The following EPHB1 variants were observed in gnomAD, a reference collection of about 807,000 sequenced individuals.
The protein encoded by EPHB1 is ephrin type-B receptor 1.
A neutral mutation model predicts 94.4 loss-of-function variants in EPHB1; 30 were observed. The ratio of observed to expected loss-of-function variants is 0.32; its 90% CI spans 0.24 to 0.43. The LOEUF (loss-of-function observed/expected upper bound fraction) is 0.43, where lower values mean the gene tolerates loss of function less well. EPHB1 is among the 20% of genes least tolerant of loss of function. The probability of loss-of-function intolerance (pLI) is 1.00; values close to 1 mark genes in which losing one functional copy is unlikely to be tolerated. For missense variants in EPHB1, 1,055 were observed against 1,308.3 expected (o/e 0.81, Z 2.99); for synonymous variants, 522 against 489.1 (o/e 1.07, Z -0.89).
chr3:135,220,483 G>A (rs1875374), intron 12 of EPHB1, among the ~76,000 whole-genome samples: 89,650 of 151,754 alleles, frequency 0.59, 28,221 homozygotes, highest in Middle Eastern at 0.73. Context: ...CCATCTGGGC[G>A]TTTGATAAAA....
At chr3:135,056,371 C>T (rs1354897900) in intron 3 of EPHB1, among the ~76,000 whole-genome samples, 1 of 152,230 alleles carries the variant, frequency 6.6e-6, no homozygotes, top group African/African-American at 2.4e-5. Context: ...TTCCCCTGTT[C>T]GGGCAGAGCA....
intron 4 of EPHB1, among the ~76,000 whole-genome samples, chr3:135,124,739 G>A (rs1016043520): frequency 6.6e-6 from 1 of 151,642 alleles, no homozygotes; most frequent in African/African-American, 2.4e-5. Context: ...GATTTCAAAG[G>A]TGGTATAAAA....
intron 3 of EPHB1, among the ~76,000 whole-genome samples, chr3:134,973,194 G>C (rs1934045914): frequency 6.6e-6 from 1 of 152,178 alleles, no homozygotes; most frequent in South Asian, 2.1e-4. Flanking sequence ...CCCTTTCCAA[G>C]GGCAGACACA....
intron 3 of EPHB1, among the ~76,000 whole-genome samples, chr3:135,080,250 A>T (rs947056036): frequency 4.6e-5 from 7 of 152,168 alleles, no homozygotes; most frequent in African/African-American, 1.7e-4. Flanking sequence ...GGGCAAAATC[A>T]TGGGCTCAGA....
chr3:134,831,349 C>G (rs1034959873), intron 1 of EPHB1, among the ~76,000 whole-genome samples: 1 of 152,206 alleles, frequency 6.6e-6, no homozygotes, highest in African/African-American at 2.4e-5. Flanking sequence ...GATTCTAGAA[C>G]AGCTGCCCAA....
At chr3:135,091,387 G>T (rs1269046937) in intron 3 of EPHB1, among the ~76,000 whole-genome samples, 1 of 152,206 alleles carries the variant, frequency 6.6e-6, no homozygotes, top group Non-Finnish European at 1.5e-5. Flanking sequence ...ATAGGTCTGT[G>T]ATGTGGCAAT....
At chr3:134,846,467 G>T (rs1357587904) in intron 1 of EPHB1, among the ~76,000 whole-genome samples, 3 of 152,172 alleles carry the variant, frequency 2.0e-5, no homozygotes, top group East Asian at 1.9e-4. Flanking sequence ...AGAGCATCGC[G>T]TGGGTGCTCC....
intron 3 of EPHB1, among the ~76,000 whole-genome samples, chr3:135,043,159 G>A (rs1936903110): frequency 2.0e-5 from 3 of 151,988 alleles, no homozygotes; most frequent in Admixed American, 2.0e-4. Context: ...TATTTAAACA[G>A]CTCCCTATAT....
chr3:134,799,375 T>C (rs112009365), intron 1 of EPHB1, among the ~76,000 whole-genome samples: 1 of 152,118 alleles, frequency 6.6e-6, no homozygotes, highest in Non-Finnish European at 1.5e-5. Flanking sequence ...GCACCAAAGA[T>C]TTTTAAAAAT....
chr3:134,942,750 C>A (rs1371067099), intron 2 of EPHB1, among the ~76,000 whole-genome samples: 5 of 152,196 alleles, frequency 3.3e-5, no homozygotes, highest in African/African-American at 1.2e-4. Flanking sequence ...TCACTGGTCC[C>A]AGATGTTACT....
chr3:134,970,666 G>A (rs1459829295), intron 3 of EPHB1, among the ~76,000 whole-genome samples: 1 of 152,180 alleles, frequency 6.6e-6, no homozygotes. Flanking sequence ...CGTATTTGAA[G>A]AATGAAGAGG....
chr3:134,966,966 T>A (rs1933776271), intron 3 of EPHB1, among the ~76,000 whole-genome samples: 1 of 152,204 alleles, frequency 6.6e-6, no homozygotes, highest in African/African-American at 2.4e-5. Flanking sequence ...TGGGGGCACC[T>A]GCATGGCAGC....
At chr3:135,051,740 C>A (rs572731585) in intron 3 of EPHB1, among the ~76,000 whole-genome samples, 2 of 152,170 alleles carry the variant, frequency 1.3e-5, no homozygotes, top group Non-Finnish European at 2.9e-5. Flanking sequence ...ACAGGACAAT[C>A]AATTTTTTCA....
intron 1 of EPHB1, among the ~76,000 whole-genome samples, chr3:134,801,453 A>G (rs539080377): frequency 1.3e-5 from 2 of 152,290 alleles, no homozygotes; most frequent in South Asian, 2.1e-4. Flanking sequence ...CCTGTCCTCC[A>G]TTGACTGTCG....
intron 12 of EPHB1, among the ~76,000 whole-genome samples, chr3:135,220,093 T>C (rs1305994527): frequency 6.6e-6 from 1 of 152,178 alleles, no homozygotes; most frequent in Non-Finnish European, 1.5e-5. Context: ...CACATTATAC[T>C]TCCTATGGGA....
intron 3 of EPHB1, among the ~76,000 whole-genome samples, chr3:135,063,687 CTCTTGTCT>C (rs1937544864): frequency 6.6e-6 from 1 of 152,086 alleles, no homozygotes; most frequent in African/African-American, 2.4e-5. Context: ...TTATTTCTTT[CTCTTGTCT>C]GATTGCTCTG....
rs558603596 is a variant in EPHB1 at position 135,238,924 on chromosome 3, A to G, written c.2347-2224A>G. Among the ~76,000 whole-genome samples, 6 of 152,308 alleles carry G rather than the reference A, an allele frequency of 3.9e-5. No individual in the cohort carries two copies. In the East Asian group the frequency reaches 1.2e-3, roughly 29 times the overall value. Reference sequence around the variant, plus strand: ...ACTTGGGGTCTCTGCACTATCAGACATTGACCTCCAGGTGTTTGGTAGCTG... The same window carrying G: ...ACTTGGGGTCTCTGCACTATCAGACGTTGACCTCCAGGTGTTTGGTAGCTG... On this transcript the variant is annotated intron_variant, in intron 12 of 15. Transcript: ENST00000398015.
intron 3 of EPHB1, among the ~76,000 whole-genome samples, chr3:135,030,892 C>T (rs1048825873): frequency 1.3e-5 from 2 of 152,188 alleles, no homozygotes; most frequent in African/African-American, 4.8e-5. Flanking sequence ...TGGAGTAGGA[C>T]CCTCGGAGCC....
chr3:135,116,630 G>A (rs1036087032), intron 4 of EPHB1, among the ~76,000 whole-genome samples: 3 of 152,110 alleles, frequency 2.0e-5, no homozygotes, highest in Admixed American at 2.0e-4. Context: ...ACCCTCTGTT[G>A]ATGACCACTG....
Sources: gnomAD v4.1 joint callset for allele counts (sites outside exome capture counted in the v4.1 genomes callset) on GRCh38, gnomAD v4.1.1 for gene constraint, MANE v1.5 for transcripts, NCBI Gene and HGNC (gene_info 2026-07-23, HGNC 2026-07-21) for gene names.